Variants in SMARCA2 observed in about 807,000 individuals in gnomAD.
SMARCA2 encodes SWI/SNF related BAF chromatin remodeling complex subunit ATPase 2.
Under a neutral mutation model 199.8 loss-of-function variants are expected in SMARCA2, and 61 were observed. The observed-to-expected ratio is 0.31, with a 90% CI of 0.25 to 0.38. The LOEUF (loss-of-function observed/expected upper bound fraction) is 0.38. Among genes scored for constraint, SMARCA2 ranks in the 10% least tolerant of loss-of-function variants. The pLI, the probability that SMARCA2 is intolerant of heterozygous loss-of-function variation, is 1.00. For synonymous variants in SMARCA2, 935 were observed against 732.0 expected, an observed-to-expected ratio of 1.28 and a Z score of -4.48; for missense variants, 1,344 against 2,012.2, an observed-to-expected ratio of 0.67 and a Z score of 6.35.
chr9:2,066,336 T>G (rs991718058), intron 9 of SMARCA2, among the ~76,000 whole-genome samples: 10 of 152,232 alleles, frequency 6.6e-5, no homozygotes, highest in African/African-American at 2.4e-4. Context: ...GAGTTCAGCT[T>G]ACACGGGATT....
chr9:2,034,821 T>A lies in SMARCA2; in HGVS notation c.355+1740T>A, dbSNP rs972458559. On this transcript the variant is annotated intron_variant, in intron 3 of 33. Transcript: ENST00000349721. ...TCTGAATTTTGGTGGCAGGCAGGCATAATTGTTGCAGATAACTCATAGAAT... is the reference window on the plus strand; with the variant it reads ...TCTGAATTTTGGTGGCAGGCAGGCAAAATTGTTGCAGATAACTCATAGAAT... Among the ~76,000 whole-genome samples, 3 of 152,280 alleles carry A rather than the reference T, an allele frequency of 2.0e-5. No homozygotes were observed. In the East Asian group the frequency reaches 5.8e-4, roughly 29 times the overall value.
rs189439168 is a variant in SMARCA2 at position 2,037,594 on chromosome 9, G to A, written c.356-1872G>A. 7.2e-5 allele frequency among the ~76,000 whole-genome samples: 11 copies of A among 152,310 alleles called. No individual in the cohort carries two copies. The East Asian group carries it at 2.1e-3, about 29-fold the overall frequency. ...TGTGAATTATGATGGTGAATCCCCA[G>A]TTGGTGGCGGTCATATATTCTCCGG... On this transcript the variant is annotated intron_variant, in intron 3 of 33. Transcript: ENST00000349721.
intron 13 of SMARCA2, 25 bp from the exon 14 acceptor site, chr9:2,077,604 G>T: frequency 1.2e-6 from 2 of 1,610,248 alleles, no homozygotes; most frequent in South Asian, 1.1e-5. Context: ...GTCTGTGTGT[G>T]ATTCTCCACT....
At chr9:2,023,440 C>T (rs916618571) in intron 1 of SMARCA2, among the ~76,000 whole-genome samples, 28 of 152,158 alleles carry the variant, frequency 1.8e-4, no homozygotes, top group African/African-American at 6.5e-4. Flanking sequence ...GACTTTGAAA[C>T]GAATGGGAAA....
rs965222895 is a variant in SMARCA2 at position 2,170,620 on chromosome 9, G to T, written c.4253+148G>T. 10 of 1,327,782 alleles carry T rather than the reference G, an allele frequency of 7.5e-6. No homozygotes were observed. Among genetic ancestry groups the T allele is most frequent in the Non-Finnish European group, 1.0e-5 (10 of 959,918 alleles). The allele number at this position is 1,327,782 out of a possible 1,614,324, so 82.3% of individuals were successfully genotyped here. ...ACTTGGAGAGCGGGATAGAGGCACA[G>T]ATACTCTTAAACAGCTGTCATGGCT... is the stretch of plus-strand genomic sequence containing the variant. On this transcript the variant is annotated intron_variant, in intron 29 of 33. Transcript: ENST00000349721. The surrounding 1 kb of genome is among the most constrained non-coding windows in gnomAD (Gnocchi z 4.7).
chr9:2,109,522 C>G (rs1109952), intron 23 of SMARCA2, among the ~76,000 whole-genome samples: 23,952 of 152,084 alleles, frequency 0.16, 2,980 homozygotes, highest in East Asian at 0.36. Flanking sequence ...ATGGGGCAAA[C>G]CACCCCCAAG....
intron 29 of SMARCA2, among the ~76,000 whole-genome samples, chr9:2,176,189 T>TTTTTTTTGTTTTTTTTTTTG (rs1563829234): frequency 7.4e-6 from 1 of 135,706 alleles, no homozygotes; most frequent in African/African-American, 3.4e-5. Context: ...CCTGTTTTTT[T>TTTTTTTTGTTTTTTTTTTTG]TTTTTTTTTT....
chr9:2,141,885 G>A (rs1824476880), intron 27 of SMARCA2, among the ~76,000 whole-genome samples: 1 of 152,160 alleles, frequency 6.6e-6, no homozygotes, highest in South Asian at 2.1e-4. Flanking sequence ...TCTTGAAAAG[G>A]TGCAGGAGCG....
In SMARCA2 at chr9:2,054,565, C is replaced by T. The variant is rs150257688; in HGVS notation, c.1047-32C>T. ...TAAATTGTAATGTGTTTTTCCCCTG[C>T]CCCCTTTTCCCCATTTTATTGTTTC... On this transcript the variant is annotated intron_variant, in intron 5 of 33. Transcript: ENST00000349721. 623 of 1,597,674 alleles carry T rather than the reference C, an allele frequency of 3.9e-4. 1 individual carries two copies. The African/African-American group carries it at 4.8e-3, about 12-fold the overall frequency.
intron 27 of SMARCA2, among the ~76,000 whole-genome samples, chr9:2,124,374 C>T (rs1208832744): frequency 1.3e-5 from 2 of 152,210 alleles, no homozygotes; most frequent in African/African-American, 4.8e-5. Context: ...TCTGCAAGGT[C>T]TGCACAGATC....
intron 1 of SMARCA2, among the ~76,000 whole-genome samples, chr9:2,018,930 C>T (rs573441481): frequency 1.3e-5 from 2 of 152,188 alleles, no homozygotes; most frequent in Non-Finnish European, 2.9e-5. Flanking sequence ...TGTTAAGAGG[C>T]GTGGCAGATT....
Position 2,057,273 on chromosome 9 carries a change from G to A in SMARCA2, c.1347+428G>A, listed in dbSNP as rs78767793. Among the ~76,000 whole-genome samples, 338 of 152,298 alleles carry A rather than the reference G, an allele frequency of 2.2e-3. 6 individuals are homozygous for A. Among genetic ancestry groups the A allele is most frequent in the East Asian group, 0.021 (111 of 5,184 alleles). On this transcript the variant is annotated intron_variant, in intron 7 of 33. Transcript: ENST00000349721. ...TGTTAACTTCTCCTTGTTTTCTTAC[G>A]TGGTGGAAGCAGGCCAAGAAAGCTC...
chr9:2,177,310 A>C (rs1283457240), intron 29 of SMARCA2, among the ~76,000 whole-genome samples: 1 of 152,240 alleles, frequency 6.6e-6, no homozygotes, highest in African/African-American at 2.4e-5. Flanking sequence ...TGAGTATTCT[A>C]AATCATGACA....
In SMARCA2 at chr9:2,073,259, TCA is replaced by T. The variant is rs777628731; in HGVS notation, c.1799_1800del (p.Thr600ArgfsTer28). The T allele has an allele frequency of 6.2e-7, 1 of 1,614,140 alleles. No homozygotes were observed. On this transcript the variant is annotated frameshift_variant, in exon 11 of 34. Coordinates refer to ENST00000349721, the MANE Select transcript of SMARCA2 (RefSeq NM_003070.5). LOFTEE classifies it high-confidence loss of function. ...TGAGTGACCTCCCTGTCAAAGTGAC[TCA>T]CACAGAAACCGGCAAGGTTCTGTTC... ...QMSDLPVKVT[H>X]TETGKVLFGP...
chr9:2,099,917 T>C (rs933681626), intron 21 of SMARCA2, among the ~76,000 whole-genome samples: 3 of 152,190 alleles, frequency 2.0e-5, no homozygotes, highest in African/African-American at 7.2e-5. Flanking sequence ...GAGACAGGGA[T>C]GGAGCCTAAT....
intron 31 of SMARCA2, among the ~76,000 whole-genome samples, chr9:2,182,452 T>C (rs1322483791): frequency 1.4e-5 from 2 of 146,436 alleles, no homozygotes; most frequent in East Asian, 2.1e-4. Flanking sequence ...TAGCGCCTAC[T>C]CACACTTCTT....
intron 3 of SMARCA2, among the ~76,000 whole-genome samples, chr9:2,035,835 G>C (rs1819305823): frequency 6.6e-6 from 1 of 152,102 alleles, no homozygotes; most frequent in Admixed American, 6.5e-5. Context: ...TTATTTAAGG[G>C]TATATTTTTG....
chr9:2,186,080 C>T lies in SMARCA2; in HGVS notation c.4462-16C>T, dbSNP rs1827430606. The T allele has an allele frequency of 1.9e-6, 3 of 1,611,882 alleles. No individual in the cohort carries two copies. Among genetic ancestry groups the T allele is most frequent in the Non-Finnish European group, 2.5e-6 (3 of 1,178,780 alleles). On this transcript the variant is annotated splice_polypyrimidine_tract_variant and intron_variant, in intron 31 of 33. Transcript: ENST00000349721. ...CTCAGCTTGCAGTTTTAACAGATGC[C>T]CCTTTGACCATTTAGATCTATGAAG... is the stretch of plus-strand genomic sequence containing the variant.
At chr9:2,182,047 G>A (rs1294442157) in intron 30 of SMARCA2, 94 bp from the exon 31 acceptor site, 3 of 871,212 alleles carry the variant, frequency 3.4e-6, no homozygotes, top group Non-Finnish European at 5.9e-6. Context: ...ATGCTGTGAA[G>A]ACAAAGGGAA....
Sources: allele counts gnomAD v4.1 joint callset (sites outside exome capture counted in the v4.1 genomes callset), GRCh38; gene constraint gnomAD v4.1.1; non-coding constraint Gnocchi (gnomAD v3.1); transcripts MANE v1.5; gene names NCBI Gene and HGNC (gene_info 2026-07-23, HGNC 2026-07-21).